The following CSMD1 variants were observed in gnomAD, a reference collection of about 807,000 sequenced individuals.
CSMD1 encodes the protein CUB and sushi domain-containing protein 1.
CSMD1 carries 213 observed loss-of-function variants against 417.5 expected under a neutral mutation model. That is an observed-to-expected ratio of 0.51 (90% CI 0.46 to 0.57). CSMD1 has a LOEUF of 0.57. Among genes scored for constraint, CSMD1 ranks in the 20% least tolerant of loss-of-function variants. The pLI is 0.00. For synonymous variants in CSMD1, 2,862 were observed against 1,736.8 expected, an observed-to-expected ratio of 1.65 and a Z score of -16.11; for missense variants, 6,923 against 4,529.7, an observed-to-expected ratio of 1.53 and a Z score of -15.17.
At chr8:4,318,473 G>C (rs1482602923) in intron 3 of CSMD1, among the ~76,000 whole-genome samples, 2 of 152,060 alleles carry the variant, frequency 1.3e-5, no homozygotes, top group Non-Finnish European at 2.9e-5. Flanking sequence ...AGCAAGTAAT[G>C]AAACAAAGCT....
chr8:3,570,982 T>TA (rs773709506), intron 10 of CSMD1, among the ~76,000 whole-genome samples: 6 of 152,226 alleles, frequency 3.9e-5, no homozygotes, highest in Non-Finnish European at 8.8e-5. Context: ...TCATATAGAA[T>TA]AAAAATATTT....
rs375763489 is a variant in CSMD1 at position 2,979,093 on chromosome 8, A to G, written c.8378-293T>C. On this transcript the variant is annotated intron_variant, in intron 54 of 69. Transcript: ENST00000635120. ...ATTCTGAAGTTAGTTTCCTTGGTTA[A>G]GTTTTTGTGTTCTAATAATGGTCAA... Among the ~76,000 whole-genome samples, 18 of 152,314 alleles carry G rather than the reference A, an allele frequency of 1.2e-4. No homozygotes were observed. In the South Asian group the frequency reaches 2.1e-3, roughly 18 times the overall value.
chr8:3,660,035 A>G (rs1798330266), intron 7 of CSMD1, among the ~76,000 whole-genome samples: 1 of 152,214 alleles, frequency 6.6e-6, no homozygotes, highest in Admixed American at 6.5e-5. Flanking sequence ...TTCATTCTGT[A>G]CTGTCCCTGT....
At chr8:2,990,599 G>C (rs934451628) in intron 54 of CSMD1, among the ~76,000 whole-genome samples, 3 of 152,140 alleles carry the variant, frequency 2.0e-5, no homozygotes, top group Non-Finnish European at 4.4e-5. Context: ...GAAAGCAGGA[G>C]GTTTTGAGCA....
At chr8:3,785,658 C>A (rs890269699) in intron 5 of CSMD1, among the ~76,000 whole-genome samples, 1 of 152,156 alleles carries the variant, frequency 6.6e-6, no homozygotes, top group African/African-American at 2.4e-5. Context: ...GAAGAGTTGG[C>A]ATCGCCCTGA....
At chr8:4,942,861 G>A (rs570483039) in intron 1 of CSMD1, among the ~76,000 whole-genome samples, 1 of 152,216 alleles carries the variant, frequency 6.6e-6, no homozygotes, top group African/African-American at 2.4e-5. Flanking sequence ...ACCTTTATTT[G>A]TATCCAAAAC....
chr8:3,555,608 C>G (rs1388816850), intron 10 of CSMD1, among the ~76,000 whole-genome samples: 3 of 152,322 alleles, frequency 2.0e-5, no homozygotes, highest in Non-Finnish European at 2.9e-5. Flanking sequence ...TTCTACAGAA[C>G]AAACTTATTT....
At chr8:4,851,606 C>T (rs540059010) in intron 1 of CSMD1, among the ~76,000 whole-genome samples, 4 of 152,218 alleles carry the variant, frequency 2.6e-5, no homozygotes, top group Admixed American at 1.3e-4. Flanking sequence ...CTATCCAACT[C>T]CATGTGGGAG....
At chr8:4,525,220 G>C (rs1004276869) in intron 2 of CSMD1, among the ~76,000 whole-genome samples, 11 of 152,154 alleles carry the variant, frequency 7.2e-5, no homozygotes, top group Admixed American at 3.3e-4. Context: ...AAAGGAAGAA[G>C]TGGTCCTTTA....
At chr8:3,278,464 C>T (rs1412503043) in intron 26 of CSMD1, 3 of 152,110 alleles carry the variant, frequency 2.0e-5, no homozygotes, top group Non-Finnish European at 4.4e-5. Flanking sequence ...TCATTTAATA[C>T]AATTGAATAA....
At chr8:2,982,559 G>T (rs1805515256) in intron 54 of CSMD1, among the ~76,000 whole-genome samples, 1 of 152,176 alleles carries the variant, frequency 6.6e-6, no homozygotes, top group Non-Finnish European at 1.5e-5. Context: ...TATTTGAGCA[G>T]TTTTGCCAGC....
chr8:4,599,489 T>A (rs1800469040), intron 2 of CSMD1, among the ~76,000 whole-genome samples: 1 of 152,044 alleles, frequency 6.6e-6, no homozygotes, highest in South Asian at 2.1e-4. Context: ...GAGTGGAACT[T>A]CTAAATTATA....
At chr8:4,756,273 A>C (rs1315040189) in intron 1 of CSMD1, among the ~76,000 whole-genome samples, 2 of 152,198 alleles carry the variant, frequency 1.3e-5, no homozygotes, top group Non-Finnish European at 2.9e-5. Flanking sequence ...ATAAAATCAC[A>C]TTGCCATCAT....
chr8:3,260,188 T>A (rs1800950832), intron 26 of CSMD1, among the ~76,000 whole-genome samples: 1 of 152,224 alleles, frequency 6.6e-6, no homozygotes, highest in African/African-American at 2.4e-5. Flanking sequence ...AGTGCTTTAT[T>A]ATCTGCTTCC....
intron 10 of CSMD1, among the ~76,000 whole-genome samples, chr8:3,546,597 T>C (rs183397168): frequency 1.3e-5 from 2 of 152,074 alleles, no homozygotes; most frequent in South Asian, 2.1e-4. Flanking sequence ...TACTGAGCAA[T>C]TGTCAAAAGT....
intron 4 of CSMD1, among the ~76,000 whole-genome samples, chr8:4,026,704 G>T (rs992551280): frequency 6.6e-6 from 1 of 152,216 alleles, no homozygotes; most frequent in African/African-American, 2.4e-5. Context: ...AATGCTATCT[G>T]AGAGATCAAG....
intron 1 of CSMD1, among the ~76,000 whole-genome samples, chr8:4,680,002 T>C (rs1310809893): frequency 6.6e-6 from 1 of 152,194 alleles, no homozygotes; most frequent in Non-Finnish European, 1.5e-5. Context: ...TTGTAATTTG[T>C]TTTAGTACTC....
At position 2,938,357 on chromosome 8, in the gene CSMD1, C is replaced by T. The variant is rs896568567; in HGVS notation, c.*228G>A. 1 of 462,472 alleles carries T rather than the reference C, an allele frequency of 2.2e-6. No homozygotes were observed. Among genetic ancestry groups the T allele is most frequent in the South Asian group, 4.7e-5 (1 of 21,064 alleles). 28.6% of individuals were successfully genotyped at this position (462,472 alleles called of 1,614,324 possible). Reference sequence around the variant, plus strand: ...TGCCTTGATTTCATACAGATGCAGCCAGGCATTTAGAACCCACTTTTGGAA... The same window carrying T: ...TGCCTTGATTTCATACAGATGCAGCTAGGCATTTAGAACCCACTTTTGGAA... On this transcript the variant is annotated 3_prime_UTR_variant, in exon 70 of 70. Coordinates refer to ENST00000635120, the MANE Select transcript of CSMD1 (RefSeq NM_033225.6).
At chr8:3,781,933 C>T (rs905643201) in intron 5 of CSMD1, among the ~76,000 whole-genome samples, 1 of 152,084 alleles carries the variant, frequency 6.6e-6, no homozygotes, top group Non-Finnish European at 1.5e-5. Flanking sequence ...GAACTATAAT[C>T]TCACATGCCA....
Sources: gnomAD v4.1 joint callset for allele counts (sites outside exome capture counted in the v4.1 genomes callset) on GRCh38, gnomAD v4.1.1 for gene constraint, MANE v1.5 for transcripts, NCBI Gene and HGNC (gene_info 2026-07-23, HGNC 2026-07-21) for gene names.